KCNIP1: variants seen among roughly 807,000 people sequenced by gnomAD.
KCNIP1 encodes potassium voltage-gated channel interacting protein 1, also known as A-type potassium channel modulatory protein KCNIP1.
In KCNIP1, 18 loss-of-function variants were observed where a neutral mutation model predicts 33.0. That is an observed-to-expected ratio of 0.55 (90% CI 0.38 to 0.81). The LOEUF is 0.81. KCNIP1 is among the 30% of genes least tolerant of loss of function. The pLI, the probability that KCNIP1 is intolerant of heterozygous loss-of-function variation, is 0.00. For missense variants in KCNIP1, 238 were observed against 271.6 expected, an observed-to-expected ratio of 0.88 and a Z score of 0.87; for synonymous variants, 93 against 98.3, an observed-to-expected ratio of 0.95 and a Z score of 0.32.
At chr5:170,697,923 T>A (rs1450055715) in intron 1 of KCNIP1, among the ~76,000 whole-genome samples, 1 of 152,026 alleles carries the variant, frequency 6.6e-6, no homozygotes, top group African/African-American at 2.4e-5. Flanking sequence ...GAATGAATAA[T>A]CCCATGGGCA....
intron 1 of KCNIP1, among the ~76,000 whole-genome samples, chr5:170,570,560 T>C (rs920522556): frequency 3.9e-5 from 6 of 152,196 alleles, no homozygotes; most frequent in African/African-American, 9.7e-5. Context: ...TTATCAAATA[T>C]TAAAAGCTGT....
chr5:170,655,605 T>A (rs148085817), intron 1 of KCNIP1, among the ~76,000 whole-genome samples: 35 of 152,330 alleles, frequency 2.3e-4, no homozygotes, highest in African/African-American at 8.2e-4. Flanking sequence ...CAAAGCTGAC[T>A]TCTTCCCCAG....
intron 1 of KCNIP1, among the ~76,000 whole-genome samples, chr5:170,428,562 G>C (rs1204787387): frequency 6.6e-6 from 1 of 152,028 alleles, no homozygotes; most frequent in African/African-American, 2.4e-5. Flanking sequence ...GAGAACTTTA[G>C]AGCAGCTCCG....
intron 1 of KCNIP1, among the ~76,000 whole-genome samples, chr5:170,655,925 C>T (rs1224407218): frequency 1.3e-5 from 2 of 152,212 alleles, no homozygotes; most frequent in South Asian, 2.1e-4. Flanking sequence ...TAGGAGAAAG[C>T]TTTCCAACAG....
intron 1 of KCNIP1, among the ~76,000 whole-genome samples, chr5:170,693,217 T>G (rs1180910712): frequency 6.6e-6 from 1 of 150,916 alleles, no homozygotes; most frequent in Non-Finnish European, 1.5e-5. Flanking sequence ...TTCTTTGTCC[T>G]CTGCTGGCAT....
At chr5:170,585,502 T>C (rs1757953094) in intron 1 of KCNIP1, among the ~76,000 whole-genome samples, 1 of 152,064 alleles carries the variant, frequency 6.6e-6, no homozygotes, top group Non-Finnish European at 1.5e-5. Context: ...TCCCTATTAC[T>C]CAGAGGTGTT....
intron 5 of KCNIP1, among the ~76,000 whole-genome samples, chr5:170,732,436 G>A (rs931729362): frequency 2.0e-5 from 3 of 152,058 alleles, no homozygotes; most frequent in Admixed American, 2.0e-4. Context: ...GAAACTATGG[G>A]GATTTTTAAA....
chr5:170,481,126 T>G (rs1309805017), intron 1 of KCNIP1, among the ~76,000 whole-genome samples: 1 of 152,244 alleles, frequency 6.6e-6, no homozygotes, highest in Non-Finnish European at 1.5e-5. Context: ...GCCATCAATC[T>G]TATTTGATAT....
intron 7 of KCNIP1, among the ~76,000 whole-genome samples, chr5:170,734,585 C>A (rs1764317815): frequency 6.6e-6 from 1 of 152,160 alleles, no homozygotes; most frequent in Non-Finnish European, 1.5e-5. Flanking sequence ...CCAGAGTCCA[C>A]CAGAGACTGA....
At chr5:170,627,654 T>C (rs533688132) in intron 1 of KCNIP1, among the ~76,000 whole-genome samples, 1 of 152,378 alleles carries the variant, frequency 6.6e-6, no homozygotes, top group African/African-American at 2.4e-5. Context: ...CTGTTTGGCT[T>C]GAAGACAGCC....
chr5:170,628,575 A>C (rs1271885375), intron 1 of KCNIP1, among the ~76,000 whole-genome samples: 2 of 152,114 alleles, frequency 1.3e-5, no homozygotes, highest in Admixed American at 6.5e-5. Flanking sequence ...TTTGGGGAAA[A>C]AATGTAATAA....
chr5:170,590,400 T>G (rs1024462663), intron 1 of KCNIP1, among the ~76,000 whole-genome samples: 4 of 151,066 alleles, frequency 2.6e-5, no homozygotes, highest in Non-Finnish European at 5.9e-5. Flanking sequence ...AAAGCAAGAG[T>G]GGAGAAGTGA....
intron 1 of KCNIP1, among the ~76,000 whole-genome samples, chr5:170,522,599 TG>T (rs2113311780): frequency 6.6e-6 from 1 of 152,316 alleles, no homozygotes; most frequent in East Asian, 1.9e-4. Context: ...TGCCAGAGGC[TG>T]GGGAATTCGC....
Position 170,655,100 on chromosome 5 carries a change from G to T in KCNIP1, c.62-63658G>T, listed in dbSNP as rs145369934. Among the ~76,000 whole-genome samples the T allele has an allele frequency of 1.7e-3, 261 of 152,122 alleles. 1 individual carries two copies. Among genetic ancestry groups the T allele is most frequent in the African/African-American group, 5.9e-3 (245 of 41,466 alleles). ...AGCCAGCACAAAAGATAAAAATTGG[G>T]TATACTCAAAATTACCTTCAAAATA... On this transcript the variant is annotated intron_variant, in intron 1 of 7. Transcript: ENST00000328939.
At chr5:170,491,435 C>A (rs931994871) in intron 1 of KCNIP1, among the ~76,000 whole-genome samples, 1 of 152,136 alleles carries the variant, frequency 6.6e-6, no homozygotes, top group Non-Finnish European at 1.5e-5. Flanking sequence ...GCTACTCTCC[C>A]CGCCCACATC....
At chr5:170,732,423 G>T (rs1479148626) in intron 5 of KCNIP1, among the ~76,000 whole-genome samples, 1 of 152,150 alleles carries the variant, frequency 6.6e-6, no homozygotes, top group East Asian at 1.9e-4. Flanking sequence ...GAAAACAGTG[G>T]CAGAAACTAT....
At chr5:170,592,368 G>A (rs956028383) in intron 1 of KCNIP1, among the ~76,000 whole-genome samples, 9 of 138,634 alleles carry the variant, frequency 6.5e-5, no homozygotes, top group Admixed American at 1.4e-4. Flanking sequence ...GTATGTTCGT[G>A]TTACAGTAAA....
At chr5:170,531,811 G>A (rs11960505) in intron 1 of KCNIP1, among the ~76,000 whole-genome samples, 4 of 121,210 alleles carry the variant, frequency 3.3e-5, no homozygotes, top group South Asian at 2.8e-4. Flanking sequence ...CCTGTCCTAA[G>A]CCCCACCCTT....
In KCNIP1 at chr5:170,641,567, C is replaced by T. The variant is rs189235743; in HGVS notation, c.62-77191C>T. Among the ~76,000 whole-genome samples the T allele has an allele frequency of 6.4e-4, 98 of 152,368 alleles. 1 individual carries two copies. The highest frequency in any genetic ancestry group is 4.6e-3 in the East Asian group (24 of 5,186). On this transcript the variant is annotated intron_variant, in intron 1 of 7. Coordinates refer to ENST00000328939, the MANE Select transcript of KCNIP1 (RefSeq NM_014592.4). The stretch of plus-strand genomic sequence containing the variant: ...ACAATTGATTCATTGCCTCTCAACC[C>T]TCTGCTGGGGTGGACTTTCATGCGT...
Sources: gnomAD v4.1 joint callset for allele counts (sites outside exome capture counted in the v4.1 genomes callset) on GRCh38, gnomAD v4.1.1 for gene constraint, MANE v1.5 for transcripts, NCBI Gene and HGNC (gene_info 2026-07-23, HGNC 2026-07-21) for gene names.